Variants in ZSWIM6 observed in about 807,000 individuals in gnomAD.
ZSWIM6 encodes the protein zinc finger SWIM-type containing 6, also known as zinc finger SWIM domain-containing protein 6.
ZSWIM6 carries 9 observed loss-of-function variants against 113.2 expected under a neutral mutation model. The ratio of observed to expected loss-of-function variants is 0.08; its 90% CI spans 0.05 to 0.14. The LOEUF is 0.14. Among genes scored for constraint, ZSWIM6 ranks in the 10% least tolerant of loss-of-function variants. ZSWIM6 has a pLI of 1.00. For missense variants in ZSWIM6, 1,162 were observed against 1,552.2 expected, an observed-to-expected ratio of 0.75 and a Z score of 4.22; for synonymous variants, 611 against 606.5, an observed-to-expected ratio of 1.01 and a Z score of -0.11.
At chr5:61,416,968 C>G (rs1325153851) in intron 1 of ZSWIM6, among the ~76,000 whole-genome samples, 1 of 152,080 alleles carries the variant, frequency 6.6e-6, no homozygotes, top group East Asian at 1.9e-4. Flanking sequence ...ATGGTGAAAC[C>G]TCATCTCTAC....
intron 3 of ZSWIM6, among the ~76,000 whole-genome samples, chr5:61,491,495 G>A (rs1008439225): frequency 2.6e-5 from 4 of 151,936 alleles, no homozygotes; most frequent in African/African-American, 9.7e-5. Flanking sequence ...TAAAACTGTT[G>A]TGATAATGGT....
At chr5:61,490,035 C>G (rs1331567221) in intron 2 of ZSWIM6, among the ~76,000 whole-genome samples, 4 of 151,818 alleles carry the variant, frequency 2.6e-5, no homozygotes, top group Non-Finnish European at 4.4e-5. Context: ...TTTTGTATTA[C>G]TTATGAATCT....
intron 7 of ZSWIM6, 71 bp from the exon 8 acceptor site, chr5:61,529,981 C>G: frequency 7.4e-7 from 1 of 1,351,558 alleles, no homozygotes; most frequent in East Asian, 2.6e-5. Context: ...GGTAAAGCCT[C>G]TGTTTTCCCC....
At chr5:61,528,706 A>G (rs1219047559) in intron 7 of ZSWIM6, among the ~76,000 whole-genome samples, 4 of 149,874 alleles carry the variant, frequency 2.7e-5, no homozygotes, top group Admixed American at 1.3e-4. Context: ...TCCTGCCTCA[A>G]CCTCCCGAGT....
chr5:61,396,652 A>G (rs1205927124), intron 1 of ZSWIM6, among the ~76,000 whole-genome samples: 7 of 152,136 alleles, frequency 4.6e-5, no homozygotes, highest in Non-Finnish European at 7.4e-5. Context: ...TCTTTTTTCA[A>G]TGGCATAGTG....
At chr5:61,396,868 A>G (rs1207175083) in intron 1 of ZSWIM6, among the ~76,000 whole-genome samples, 1 of 152,186 alleles carries the variant, frequency 6.6e-6, no homozygotes, top group Non-Finnish European at 1.5e-5. Flanking sequence ...ATGTCTTCCA[A>G]ATATTCCTTA....
intron 4 of ZSWIM6, among the ~76,000 whole-genome samples, chr5:61,503,295 G>A (rs1748522379): frequency 6.6e-6 from 1 of 152,134 alleles, no homozygotes. Flanking sequence ...AATGATACTA[G>A]TTGTCTGAAA....
chr5:61,544,397 T>G lies in ZSWIM6; in HGVS notation c.*80T>G. The G allele has an allele frequency of 9.9e-7, 1 of 1,012,080 alleles. No individual in the cohort carries two copies. Among genetic ancestry groups the G allele is most frequent in the Admixed American group, 2.4e-5 (1 of 41,936 alleles). The allele number at this position is 1,012,080 out of a possible 1,614,324, so 62.7% of individuals were successfully genotyped here. A position where few individuals can be genotyped will look rare whatever the true frequency, so the allele number is the denominator to read the frequency against. ...ACTTGAGCCTGCCTTTGTACCCTTTTTAACTTAAAGAACAGAGCCACACCG... is the reference window on the plus strand; with the variant it reads ...ACTTGAGCCTGCCTTTGTACCCTTTGTAACTTAAAGAACAGAGCCACACCG... On this transcript the variant is annotated 3_prime_UTR_variant, in exon 14 of 14. Coordinates refer to ENST00000252744, the MANE Select transcript of ZSWIM6 (RefSeq NM_020928.2).
chr5:61,401,269 T>C (rs1435324310), intron 1 of ZSWIM6, among the ~76,000 whole-genome samples: 1 of 152,160 alleles, frequency 6.6e-6, no homozygotes, highest in Non-Finnish European at 1.5e-5. Flanking sequence ...GGAAGAAATT[T>C]CTTACATTAA....
At chr5:61,466,234 C>T (rs1185195341) in intron 1 of ZSWIM6, among the ~76,000 whole-genome samples, 1 of 152,150 alleles carries the variant, frequency 6.6e-6, no homozygotes, top group East Asian at 1.9e-4. Context: ...ATTAACTCAT[C>T]TACTTTACCA....
intron 1 of ZSWIM6, among the ~76,000 whole-genome samples, chr5:61,344,118 C>T (rs1438838126): frequency 2.6e-5 from 4 of 152,196 alleles, no homozygotes; most frequent in African/African-American, 9.6e-5. Context: ...TGGTCTGGAA[C>T]TCTTGCCCTC....
At chr5:61,477,523 T>G (rs1470231089) in intron 2 of ZSWIM6, among the ~76,000 whole-genome samples, 1 of 152,212 alleles carries the variant, frequency 6.6e-6, no homozygotes, top group Non-Finnish European at 1.5e-5. Flanking sequence ...CAGGTGTGCA[T>G]TCATGTGTTG....
At chr5:61,416,190 G>C (rs1327877355) in intron 1 of ZSWIM6, among the ~76,000 whole-genome samples, 2 of 152,220 alleles carry the variant, frequency 1.3e-5, no homozygotes, top group African/African-American at 4.8e-5. Flanking sequence ...TAGAGAGGAA[G>C]GAGGCAGAAA....
At chr5:61,478,976 G>C (rs1747783586) in intron 2 of ZSWIM6, among the ~76,000 whole-genome samples, 1 of 152,082 alleles carries the variant, frequency 6.6e-6, no homozygotes, top group South Asian at 2.1e-4. Flanking sequence ...TTCAAGACCA[G>C]CCTGGCCAAC....
intron 1 of ZSWIM6, among the ~76,000 whole-genome samples, chr5:61,451,694 G>A (rs533296843): frequency 3.9e-5 from 6 of 152,262 alleles, no homozygotes; most frequent in African/African-American, 1.4e-4. Context: ...ATTAATTAGT[G>A]AAGCTTGTTT....
chr5:61,359,414 T>TA (rs981395655), intron 1 of ZSWIM6, among the ~76,000 whole-genome samples: 33 of 152,154 alleles, frequency 2.2e-4, no homozygotes, highest in African/African-American at 7.2e-4. Flanking sequence ...TCCTCCCCTT[T>TA]AAAAAAATAT....
chr5:61,534,893 G>A (rs912974554), intron 9 of ZSWIM6, among the ~76,000 whole-genome samples: 9 of 152,138 alleles, frequency 5.9e-5, no homozygotes, highest in African/African-American at 2.2e-4. Flanking sequence ...TATGAAATGG[G>A]TAACTATTCT....
chr5:61,400,075 TC>T (rs1331553601), intron 1 of ZSWIM6, among the ~76,000 whole-genome samples: 4 of 152,258 alleles, frequency 2.6e-5, no homozygotes, highest in African/African-American at 9.6e-5. Context: ...CCATTACATC[TC>T]CATTTGTCTG....
chr5:61,358,306 C>T lies in ZSWIM6; in HGVS notation c.676+25358C>T, dbSNP rs540780280. ...GATCTTGAAGATCCCCCAAAATCTGCAAAAAATCATGTATTTCCTCATTCT... is the reference window on the plus strand; with the variant it reads ...GATCTTGAAGATCCCCCAAAATCTGTAAAAAATCATGTATTTCCTCATTCT... On this transcript the variant is annotated intron_variant, in intron 1 of 13. Transcript: ENST00000252744. Among the ~76,000 whole-genome samples, 296 of 152,202 alleles carry T rather than the reference C, an allele frequency of 1.9e-3. 2 individuals are homozygous for T. The highest frequency in any genetic ancestry group is 6.9e-3 in the African/African-American group (287 of 41,542).
Sources: gnomAD v4.1 joint callset for allele counts (sites outside exome capture counted in the v4.1 genomes callset) on GRCh38, gnomAD v4.1.1 for gene constraint, MANE v1.5 for transcripts, NCBI Gene and HGNC (gene_info 2026-07-23, HGNC 2026-07-21) for gene names.